Variants in MYF5 observed in about 807,000 individuals in gnomAD.
MYF5 encodes the protein class C basic helix-loop-helix protein 2.
In MYF5, 20 loss-of-function variants were observed where a neutral mutation model predicts 22.3. The observed-to-expected ratio is 0.90, with a 90% CI of 0.63 to 1.30. MYF5 has a LOEUF of 1.30. Among genes scored for constraint, MYF5 ranks in the 50% most tolerant of loss-of-function variants. The pLI, the probability that MYF5 is intolerant of heterozygous loss-of-function variation, is 0.00. For missense variants in MYF5, 348 were observed against 325.9 expected (o/e 1.07, Z -0.52); for synonymous variants, 141 against 128.4 (o/e 1.10, Z -0.66).
In MYF5 at chr12:80,718,355, T is replaced by C. The variant is rs199672620; in HGVS notation, c.502-3T>C. 3,727 of 1,613,722 alleles carry C rather than the reference T, an allele frequency of 2.3e-3. 9 individuals are homozygous for C. Among genetic ancestry groups the C allele is most frequent in the Middle Eastern group, 7.1e-3 (43 of 6,060 alleles). Reference sequence around the variant, plus strand: ...AAACTTTGTTGTGTGTCTTGTATTATAGCCCGAATGTAACAGTCCTGTCTG... The same window carrying C: ...AAACTTTGTTGTGTGTCTTGTATTACAGCCCGAATGTAACAGTCCTGTCTG... On this transcript the variant is annotated splice_region_variant and splice_polypyrimidine_tract_variant and intron_variant, in intron 1 of 2. Transcript: ENST00000228644.
chr12:80,719,026 C>G lies in MYF5; in HGVS notation c.743C>G (p.Ser248Cys), dbSNP rs781616003. Reference protein sequence around the residue: ...SQPATPGASSSRLIYHVL With the variant: ...SQPATPGASSCRLIYHVL ...CCTGCAACTCCAGGGGCTTCTAGTTCCAGGCTTATCTATCATGTGCTATGA... is the reference window on the plus strand; with the variant it reads ...CCTGCAACTCCAGGGGCTTCTAGTTGCAGGCTTATCTATCATGTGCTATGA... The change falls in exon 3 of 3, where the codon TCC (serine) becomes TGC (cysteine). Residue 248 changes from serine (S) to cysteine (C), a missense_variant. Ser to Cys is a moderately radical substitution (Grantham distance 112, BLOSUM62 -1). Coordinates refer to ENST00000228644, the MANE Select transcript of MYF5 (RefSeq NM_005593.3). 3 of 1,614,060 alleles carry G rather than the reference C, an allele frequency of 1.9e-6. No individual in the cohort carries two copies. In the East Asian group the frequency reaches 6.7e-5, roughly 36 times the overall value.
In MYF5 at chr12:80,717,167, G is replaced by T; in HGVS notation, c.104G>T (p.Arg35Leu). The T allele has an allele frequency of 6.2e-7, 1 of 1,613,958 alleles. No individual in the cohort carries two copies. Among genetic ancestry groups the T allele is most frequent in the Non-Finnish European group, 8.5e-7 (1 of 1,180,022 alleles). The change falls in exon 1 of 3, where the codon CGA becomes CTA. Residue 35 changes from arginine to leucine, a missense_variant. Physicochemically the swap from Arg to Leu is moderately radical, Grantham distance 102. Transcript: ENST00000228644. ...EGEFGDEFVP[R>L]VAAFGAHKAE... Reference sequence around the variant, plus strand: ...GAATTTGGGGACGAGTTTGTGCCGCGAGTGGCTGCCTTCGGAGCGCACAAA... The same window carrying T: ...GAATTTGGGGACGAGTTTGTGCCGCTAGTGGCTGCCTTCGGAGCGCACAAA...
At chr12:80,718,260 C>A in intron 1 of MYF5, 98 bp from the exon 2 acceptor site, 2 of 937,952 alleles carry the variant, frequency 2.1e-6, no homozygotes, top group Non-Finnish European at 3.5e-6. Context: ...TGACAGTGTT[C>A]GGTTACAGAG....
Position 80,717,098 on chromosome 12 carries a change from C to T in MYF5, c.35C>T (p.Ser12Phe). The part of the protein sequence containing the change: ...DVMDGCQFSP[S>F]EYFYDGSCIP... ...ATGGATGGCTGCCAGTTCTCACCTT[C>T]TGAGTACTTCTACGACGGCTCCTGC... is the stretch of plus-strand genomic sequence containing the variant. Residue 12 changes from serine to phenylalanine, a missense_variant, in exon 1 of 3, where the codon TCT (serine) becomes TTT (phenylalanine). Transcript: ENST00000228644. 6.2e-7 allele frequency: 1 copy of T among 1,610,770 alleles called. No homozygotes were observed. The highest frequency in any genetic ancestry group is 1.1e-5 in the South Asian group (1 of 91,082).
intron 1 of MYF5, 136 bp downstream of exon 1, chr12:80,717,700 A>G (rs926786203): frequency 5.3e-5 from 61 of 1,141,354 alleles, no homozygotes; most frequent in Non-Finnish European, 6.8e-5. Flanking sequence ...AGGGGTCCAC[A>G]TTTAGAAAGA....
At chr12:80,718,319 G>A in intron 1 of MYF5, 39 bp from the exon 2 acceptor site, 1 of 1,569,992 alleles carries the variant, frequency 6.4e-7, no homozygotes, top group Non-Finnish European at 8.8e-7. Context: ...CTTTTGCCAA[G>A]ACCTGAAAAC....
In MYF5 at chr12:80,717,185, C is replaced by G. The variant is rs375022310; in HGVS notation, c.122C>G (p.Ala41Gly). ...EFVPRVAAFG[A>G]HKAELQGSDE... ...GTGCCGCGAGTGGCTGCCTTCGGAGCGCACAAAGCAGAGCTGCAGGGCTCA... is the reference window on the plus strand; with the variant it reads ...GTGCCGCGAGTGGCTGCCTTCGGAGGGCACAAAGCAGAGCTGCAGGGCTCA... The change falls in exon 1 of 3, where the codon GCG becomes GGG. Residue 41 changes from alanine (A) to glycine (G), a missense_variant. Coordinates refer to ENST00000228644, the MANE Select transcript of MYF5 (RefSeq NM_005593.3). 6 of 1,614,004 alleles carry G rather than the reference C, an allele frequency of 3.7e-6. No homozygotes were observed. The highest frequency in any genetic ancestry group is 1.7e-5 in the Admixed American group (1 of 60,034).
In MYF5 at chr12:80,717,354, G is replaced by A. The variant is rs750287170; in HGVS notation, c.291G>A (p.Lys97=). ...AATMRERRRL[K]KVNQAFETLK... is the part of the protein sequence containing the mutation. ...CTATGCGCGAGCGGAGGCGCCTGAAGAAGGTCAACCAGGCTTTCGAAACCC... is the reference window on the plus strand; with the variant it reads ...CTATGCGCGAGCGGAGGCGCCTGAAAAAGGTCAACCAGGCTTTCGAAACCC... The change falls in exon 1 of 3, where the codon AAG becomes AAA. Residue 97 remains lysine, a synonymous_variant. Transcript: ENST00000228644. 1 of 1,614,210 alleles carries A rather than the reference G, an allele frequency of 6.2e-7. No individual in the cohort carries two copies. The highest frequency in any genetic ancestry group is 1.1e-5 in the South Asian group (1 of 91,086).
intron 1 of MYF5, among the ~76,000 whole-genome samples, chr12:80,718,016 G>A (rs915294578): frequency 6.6e-6 from 1 of 152,146 alleles, no homozygotes; most frequent in Non-Finnish European, 1.5e-5. Flanking sequence ...TTGCTCCAAG[G>A]CTGCCAGGTT....
Position 80,719,238 on chromosome 12 carries a change from A to G in MYF5, c.*187A>G, listed in dbSNP as rs1868688169. ...CTAAAAAGTCATCATTGCAAATAAT[A>G]CTTTCTTCTTCTTTATTATTCTTTG... On this transcript the variant is annotated 3_prime_UTR_variant, in exon 3 of 3. Transcript: ENST00000228644. 6 of 505,578 alleles carry G rather than the reference A, an allele frequency of 1.2e-5. No homozygotes were observed. In the South Asian group the frequency reaches 1.2e-4, roughly 10 times the overall value. The allele number at this position is 505,578 out of a possible 1,614,324, so 31.3% of individuals were successfully genotyped here. A position where few individuals can be genotyped will look rare whatever the true frequency, so the allele number is the denominator to read the frequency against.
chr12:80,717,307 A>T lies in MYF5; in HGVS notation c.244A>T (p.Met82Leu). Reference protein sequence around the residue: ...CKACKRKSTTMDRRKAATMRE... With the variant: ...CKACKRKSTTLDRRKAATMRE... ...AGCCTGCAAGAGGAAGTCCACCACC[A>T]TGGATCGGCGGAAGGCAGCCACTAT... Residue 82 changes from methionine to leucine, a missense_variant, in exon 1 of 3, where the codon ATG becomes TTG. Transcript: ENST00000228644. 1 of 1,614,112 alleles carries T rather than the reference A, an allele frequency of 6.2e-7. No homozygotes were observed. Among genetic ancestry groups the T allele is most frequent in the Non-Finnish European group, 8.5e-7 (1 of 1,180,018 alleles).
chr12:80,717,239 C>T lies in MYF5; in HGVS notation c.176C>T (p.Thr59Ile), dbSNP rs151268139. The T allele has an allele frequency of 2.3e-5, 37 of 1,614,064 alleles. No homozygotes were observed. In the African/African-American group the frequency reaches 2.9e-4, roughly 13 times the overall value. ...SDEDEHVRAP[T>I]GHHQAGHCLM... ...GAGGACGAGCACGTGCGAGCGCCTA[C>T]CGGCCACCACCAGGCTGGTCACTGC... The change falls in exon 1 of 3, where the codon ACC becomes ATC. Residue 59 changes from threonine (T) to isoleucine (I), a missense_variant. Physicochemically the swap from Thr to Ile is moderately conservative, Grantham distance 89. Transcript: ENST00000228644.
rs749229391 is a variant in MYF5, at chr12:80,717,474, G to A, written c.411G>A (p.Leu137=). The A allele has an allele frequency of 1.2e-6, 2 of 1,614,186 alleles. No individual in the cohort carries two copies. The highest frequency in any genetic ancestry group is 2.2e-5 in the East Asian group (1 of 44,868). ...GCTACATCGAGAGCCTGCAGGAGTTGCTGAGAGAGCAGGTGGAGAACTACT... is the reference window on the plus strand; with the variant it reads ...GCTACATCGAGAGCCTGCAGGAGTTACTGAGAGAGCAGGTGGAGAACTACT... ...AIRYIESLQE[L]LREQVENYYS... The change falls in exon 1 of 3, where the codon TTG becomes TTA. Residue 137 remains leucine (L), a synonymous_variant. Coordinates refer to ENST00000228644, the MANE Select transcript of MYF5 (RefSeq NM_005593.3).
rs748175169 is a variant in MYF5, at chr12:80,718,369, CA to C, written c.514del (p.Ser172ValfsTer39). On this transcript the variant is annotated frameshift_variant, in exon 2 of 3. Coordinates refer to ENST00000228644, the MANE Select transcript of MYF5 (RefSeq NM_005593.3). LOFTEE classifies it high-confidence loss of function. ...GTCTTGTATTATAGCCCGAATGTAACAGTCCTGTCTGGTCCAGAAAGAGCAG... is the reference window on the plus strand; with the variant it reads ...GTCTTGTATTATAGCCCGAATGTAACGTCCTGTCTGGTCCAGAAAGAGCAG... The part of the protein sequence containing the change: ...NCSDGMPECN[S>X]PVWSRKSSTF... 6.2e-7 allele frequency: 1 copy of C among 1,613,950 alleles called. No individual in the cohort carries two copies. Among genetic ancestry groups the C allele is most frequent in the East Asian group, 2.2e-5 (1 of 44,878 alleles).
In MYF5 at chr12:80,717,457, G is replaced by A; in HGVS notation, c.394G>A (p.Glu132Lys). ...EILRNAIRYIESLQELLREQV... is the reference protein window; with the variant it reads ...EILRNAIRYIKSLQELLREQV... ...CCTCAGGAATGCCATCCGCTACATC[G>A]AGAGCCTGCAGGAGTTGCTGAGAGA... is the stretch of plus-strand genomic sequence containing the variant. Residue 132 changes from glutamate to lysine, a missense_variant, in exon 1 of 3, where the codon GAG becomes AAG. Physicochemically the swap from Glu to Lys is moderately conservative, Grantham distance 56 (BLOSUM62 1). Transcript: ENST00000228644. 2.5e-6 allele frequency: 4 copies of A among 1,614,136 alleles called. No individual in the cohort carries two copies. The highest frequency in any genetic ancestry group is 2.5e-6 in the Non-Finnish European group (3 of 1,180,038).
At position 80,716,948 on chromosome 12, in the gene MYF5, G is replaced by C; in HGVS notation, c.-116G>C. 1.5e-6 allele frequency: 2 copies of C among 1,292,210 alleles called. No homozygotes were observed. The highest frequency in any genetic ancestry group is 2.1e-6 in the Non-Finnish European group (2 of 951,100). The allele number at this position is 1,292,210 out of a possible 1,614,324, so 80.0% of individuals were successfully genotyped here. A position where few individuals can be genotyped will look rare whatever the true frequency, so the allele number is the denominator to read the frequency against. The stretch of plus-strand genomic sequence containing the variant: ...CAGGCGTCTGCCCTTGTTAATTACC[G>C]GAGCGACAGACTAGGGAGCTCCGCC... On this transcript the variant is annotated 5_prime_UTR_variant, in exon 1 of 3. Transcript: ENST00000228644.
rs750287170 is a variant in MYF5 at position 80,717,354 on chromosome 12, G to C, written c.291G>C (p.Lys97Asn). ...CTATGCGCGAGCGGAGGCGCCTGAA[G>C]AAGGTCAACCAGGCTTTCGAAACCC... Reference protein sequence around the residue: ...AATMRERRRLKKVNQAFETLK... With the variant: ...AATMRERRRLNKVNQAFETLK... Residue 97 changes from lysine (K) to asparagine (N), a missense_variant, in exon 1 of 3, where the codon AAG becomes AAC. Coordinates refer to ENST00000228644, the MANE Select transcript of MYF5 (RefSeq NM_005593.3). The C allele has an allele frequency of 6.2e-7, 1 of 1,614,210 alleles. No homozygotes were observed. Among genetic ancestry groups the C allele is most frequent in the Non-Finnish European group, 8.5e-7 (1 of 1,180,044 alleles).
rs769561457 is a variant in MYF5, at chr12:80,717,372, C to T, written c.309C>T (p.Phe103=). 9.9e-6 allele frequency: 16 copies of T among 1,614,082 alleles called. No homozygotes were observed. In the Admixed American group the frequency reaches 1.2e-4, roughly 12 times the overall value. The change falls in exon 1 of 3, where the codon TTC becomes TTT. Residue 103 remains phenylalanine, a synonymous_variant. Transcript: ENST00000228644. ...RRRLKKVNQA[F]ETLKRCTTTN... ...GCCTGAAGAAGGTCAACCAGGCTTTCGAAACCCTCAAGAGGTGTACCACGA... is the reference window on the plus strand; with the variant it reads ...GCCTGAAGAAGGTCAACCAGGCTTTTGAAACCCTCAAGAGGTGTACCACGA...
At position 80,717,055 on chromosome 12, in the gene MYF5, C is replaced by T. The variant is rs1455398084; in HGVS notation, c.-9C>T. 7.4e-5 allele frequency: 118 copies of T among 1,588,356 alleles called. No individual in the cohort carries two copies. The highest frequency in any genetic ancestry group is 1.0e-4 in the Non-Finnish European group (117 of 1,168,456). ...TGCCGTCCAGGTGCACCGCCTGCCTCTCAGCAGGATGGACGTGATGGATGG... is the reference window on the plus strand; with the variant it reads ...TGCCGTCCAGGTGCACCGCCTGCCTTTCAGCAGGATGGACGTGATGGATGG... On this transcript the variant is annotated 5_prime_UTR_variant, in exon 1 of 3. Coordinates refer to ENST00000228644, the MANE Select transcript of MYF5 (RefSeq NM_005593.3).
Sources: allele counts gnomAD v4.1 joint callset (sites outside exome capture counted in the v4.1 genomes callset), GRCh38; gene constraint gnomAD v4.1.1; transcripts MANE v1.5; gene names NCBI Gene and HGNC (gene_info 2026-07-23, HGNC 2026-07-21).